ZNF483: variants seen among roughly 807,000 people sequenced by gnomAD.
The protein encoded by ZNF483 is zinc finger protein 483.
In ZNF483, 9 loss-of-function variants were observed where a neutral mutation model predicts 28.6. The observed-to-expected ratio is 0.32, with a 90% confidence interval of 0.19 to 0.55. The LOEUF (loss-of-function observed/expected upper bound fraction) is 0.55, where lower values mean the gene tolerates loss of function less well. ZNF483 is among the 20% of genes least tolerant of loss of function. ZNF483 has a pLI of 0.93. For missense variants in ZNF483, 675 were observed against 871.7 expected (o/e 0.77, Z 2.84); for synonymous variants, 322 against 306.2 (o/e 1.05, Z -0.54).
Position 111,571,018 on chromosome 9 carries a change from C to CTATAGGTGCATGCCACCACACCTGGCTAA in ZNF483, c.722-5345_722-5344insTAGGTGCATGCCACCACACCTGGCTAATA, listed in dbSNP as rs1554817637. Among the ~76,000 whole-genome samples the CTATAGGTGCATGCCACCACACCTGGCTAA allele has an allele frequency of 1.6e-4, 22 of 133,596 alleles. 1 individual carries two copies. The highest frequency in any genetic ancestry group is 4.1e-4 in the Admixed American group (5 of 12,304). The allele number at this position is 133,596 out of a possible 152,430, so 87.6% of individuals were successfully genotyped here. ...ACATGCCAAGAAATACAGGCAGCTG[C>CTATAGGTGCATGCCACCACACCTGGCTAA]TAGAAGCTTGAAAAGGCAAGGAAGC... On this transcript the variant is annotated intron_variant, in intron 5 of 5. Transcript: ENST00000358151.
At chr9:111,570,153 AGAC>A (rs1211675991) in intron 5 of ZNF483, 1 of 1,614,132 alleles carries the variant, frequency 6.2e-7, no homozygotes. Context: ...TGCCAGCGGT[AGAC>A]GACAAAAGCT....
chr9:111,548,023 T>C lies in ZNF483; in HGVS notation c.*4853T>C, dbSNP rs1827845088. Among the ~76,000 whole-genome samples, 1 of 152,202 alleles carries C rather than the reference T, an allele frequency of 6.6e-6. No individual in the cohort carries two copies. Among genetic ancestry groups the C allele is most frequent in the Admixed American group, 6.5e-5 (1 of 15,270 alleles). Reference sequence around the variant, plus strand: ...GCCAGTACCATGCTATTTTGATTACTCCAGTAATGTTTTGTAATCAGGATT... The same window carrying C: ...GCCAGTACCATGCTATTTTGATTACCCCAGTAATGTTTTGTAATCAGGATT... On this transcript the variant is annotated 3_prime_UTR_variant, in exon 6 of 6. Transcript: ENST00000309235.
intron 5 of ZNF483, among the ~76,000 whole-genome samples, chr9:111,567,266 C>T (rs917966606): frequency 1.3e-5 from 2 of 152,164 alleles, no homozygotes; most frequent in Non-Finnish European, 2.9e-5. Flanking sequence ...TGACTCACTG[C>T]AACCTCCGCC....
At chr9:111,574,885 T>C in intron 5 of ZNF483, 2 of 1,422,044 alleles carry the variant, frequency 1.4e-6, no homozygotes, top group African/African-American at 1.4e-5. Context: ...ATCTAAATAC[T>C]AGAGATTCAG....
chr9:111,532,841 G>A (rs1333730658), intron 3 of ZNF483, among the ~76,000 whole-genome samples: 2 of 151,764 alleles, frequency 1.3e-5, no homozygotes, highest in Admixed American at 6.6e-5. Flanking sequence ...CCCAGGAGGT[G>A]GAGGTTGCAG....
chr9:111,576,859 G>C (rs1453927986), exon 6 of ZNF483: 1 of 153,156 alleles, frequency 6.5e-6, no homozygotes. Flanking sequence ...GGGAGGCCAA[G>C]GCAGGTGGAT....
rs142830150 is a variant in ZNF483, at chr9:111,542,795, G to A, written c.1860G>A (p.Thr620=). 37 of 1,613,906 alleles carry A rather than the reference G, an allele frequency of 2.3e-5. No homozygotes were observed. The African/African-American group carries it at 2.4e-4, about 10-fold the overall frequency. Residue 620 remains threonine, a synonymous_variant, in exon 6 of 6, where the codon ACG becomes ACA. Coordinates refer to ENST00000309235, the MANE Select transcript of ZNF483 (RefSeq NM_133464.5). The surrounding 1 kb of genome is among the most constrained non-coding windows in gnomAD (Gnocchi z 6.2). ...GCGGAATGACTTTTAGCCATTTTAC[G>A]TCTGTGATTTATCATCAAAGACTTC... ...NDCGMTFSHF[T]SVIYHQRLHS...
intron 5 of ZNF483, among the ~76,000 whole-genome samples, chr9:111,566,924 G>A (rs185086417): frequency 5.4e-4 from 82 of 151,816 alleles, no homozygotes; most frequent in Middle Eastern, 3.4e-3. Flanking sequence ...CCTTCTCTAC[G>A]AAAAACACAA....
At position 111,541,639 on chromosome 9, in the gene ZNF483, A is replaced by G. The variant is rs761688217; in HGVS notation, c.722-18A>G. On this transcript the variant is annotated intron_variant, in intron 5 of 5. Transcript: ENST00000309235. ...CTTTCTTGCAAACAGGAAATATTCT[A>G]TTTCTTATATCTTTTAGATGAATCA... 6.4e-7 allele frequency: 1 copy of G among 1,562,894 alleles called. No individual in the cohort carries two copies.
downstream of ZNF483, among the ~76,000 whole-genome samples, chr9:111,557,103 T>G (rs1327871198): frequency 3.3e-5 from 5 of 152,344 alleles, no homozygotes; most frequent in South Asian, 8.3e-4. Context: ...CTATTAACAT[T>G]CAGCTCCTCA....
chr9:111,527,173 T>G (rs1827203438), intron 1 of ZNF483, 95 bp from the exon 2 acceptor site: 1 of 436,266 alleles, frequency 2.3e-6, no homozygotes, highest in African/African-American at 2.0e-5. Context: ...GGTATGTGTG[T>G]GGATATATTT....
At position 111,563,063 on chromosome 9, in the gene ZNF483, G is replaced by C. The variant is rs1828379636; in HGVS notation, c.722-13302G>C. On this transcript the variant is annotated intron_variant, in intron 5 of 5. Coordinates refer to the ZNF483 transcript ENST00000358151. Reference sequence around the variant, plus strand: ...AGGTAGTATACATTTTTGCTAAATGGTGAAAAACAAATTAACTAATCATCT... The same window carrying C: ...AGGTAGTATACATTTTTGCTAAATGCTGAAAAACAAATTAACTAATCATCT... 1.6e-5 allele frequency: 25 copies of C among 1,588,302 alleles called. No homozygotes were observed. In the South Asian group the frequency reaches 2.4e-4, roughly 15 times the overall value.
downstream of ZNF483, among the ~76,000 whole-genome samples, chr9:111,560,150 AGCCTG>A (rs1350130121): frequency 6.6e-6 from 1 of 151,864 alleles, no homozygotes; most frequent in African/African-American, 2.4e-5. Flanking sequence ...GGTCGAGACC[AGCCTG>A]GCCAACATGG....
chr9:111,543,151 G>T lies in ZNF483; in HGVS notation c.2216G>T (p.Gly739Val). The T allele has an allele frequency of 1.9e-6, 3 of 1,608,006 alleles. No individual in the cohort carries two copies. Among genetic ancestry groups the T allele is most frequent in the Non-Finnish European group, 1.7e-6 (2 of 1,176,900 alleles). Residue 739 changes from glycine (G) to valine (V), a missense_variant, in exon 6 of 6, where the codon GGA becomes GTA. This residue lies in a region of ZNF483 where 55 missense variants were observed against 72.4 expected (regional missense o/e 0.76). Coordinates refer to ENST00000309235, the MANE Select transcript of ZNF483 (RefSeq NM_133464.5). ...AATTCAGGCCTCATTAGACATCGGG[G>T]ATTTCACTCTGCAGAGTAATCCTGG... ...KSNSGLIRHRGFHSAE is the reference protein window; with the variant it reads ...KSNSGLIRHRVFHSAE
chr9:111,576,490 G>C (rs985375302), exon 6 of ZNF483: 1 of 1,595,354 alleles, frequency 6.3e-7, no homozygotes. Flanking sequence ...TGCAGTTCAA[G>C]AGGCTCTGGT....
In ZNF483 at chr9:111,552,324, A is replaced by G. The variant is rs1248464133; in HGVS notation, c.*9154A>G. On this transcript the variant is annotated 3_prime_UTR_variant, in exon 6 of 6. Coordinates refer to ENST00000309235, the MANE Select transcript of ZNF483 (RefSeq NM_133464.5). ...AAGTTTCATAAACTGTCAACATTCT[A>G]TAGCTTTTGTGCATATGTACTGAAG... 6.6e-6 allele frequency among the ~76,000 whole-genome samples: 1 copy of G among 152,160 alleles called. No individual in the cohort carries two copies. Among genetic ancestry groups the G allele is most frequent in the African/African-American group, 2.4e-5 (1 of 41,436 alleles).
chr9:111,560,964 TATATATATATAG>T (rs1376648554), intron 5 of ZNF483, among the ~76,000 whole-genome samples: 1 of 48,510 alleles, frequency 2.1e-5, no homozygotes, highest in African/African-American at 8.9e-5. Flanking sequence ...TATATATATA[TATATATATATAG>T]AGAGAGAGAG....
chr9:111,541,318 TG>T (rs1226326053), intron 5 of ZNF483, among the ~76,000 whole-genome samples: 2 of 152,140 alleles, frequency 1.3e-5, no homozygotes, highest in African/African-American at 4.8e-5. Flanking sequence ...CTTGATCTCC[TG>T]ACCTCATGAT....
intron 5 of ZNF483, chr9:111,539,379 A>C: frequency 2.2e-6 from 1 of 453,934 alleles, no homozygotes; most frequent in Non-Finnish European, 4.4e-6. Flanking sequence ...CTCATGTGTC[A>C]TTTAAAGCAG....
Sources: allele counts gnomAD v4.1 joint callset (sites outside exome capture counted in the v4.1 genomes callset), GRCh38; gene constraint gnomAD v4.1.1; regional missense constraint gnomAD v4.1.1; non-coding constraint Gnocchi (gnomAD v3.1); transcripts MANE v1.5; gene names NCBI Gene and HGNC (gene_info 2026-07-23, HGNC 2026-07-21).